SPATS2L: variants seen among roughly 807,000 people sequenced by gnomAD.
SPATS2L encodes the protein spermatogenesis associated serine rich 2 like.
A neutral mutation model predicts 59.6 loss-of-function variants in SPATS2L; 30 were observed. The observed-to-expected ratio is 0.50, with a 90% confidence interval of 0.38 to 0.68. The LOEUF (loss-of-function observed/expected upper bound fraction) is 0.68, where lower values mean the gene tolerates loss of function less well. Ranked by LOEUF, SPATS2L falls within the 30% of genes least tolerant of loss-of-function variation. SPATS2L has a pLI of 0.00. For missense variants in SPATS2L, 615 were observed against 700.0 expected, an observed-to-expected ratio of 0.88 and a Z score of 1.37; for synonymous variants, 252 against 263.5, an observed-to-expected ratio of 0.96 and a Z score of 0.42.
chr2:200,427,238 G>A (rs1024045599), intron 6 of SPATS2L, among the ~76,000 whole-genome samples: 3 of 151,976 alleles, frequency 2.0e-5, no homozygotes, highest in African/African-American at 7.2e-5. Flanking sequence ...CTATTAAAAT[G>A]CAATAAGATG....
chr2:200,436,963 C>A (rs916789297), intron 6 of SPATS2L, among the ~76,000 whole-genome samples: 4 of 152,024 alleles, frequency 2.6e-5, no homozygotes, highest in African/African-American at 7.2e-5. Context: ...CATGTGAGAT[C>A]TGCTTGTTTA....
In SPATS2L at chr2:200,477,754, G is replaced by C. The variant is rs1211840702; in HGVS notation, c.1400G>C (p.Ser467Thr). Residue 467 changes from serine (S) to threonine (T), a missense_variant, in exon 13 of 13, where the codon AGC (serine) becomes ACC (threonine). Transcript: ENST00000409140. ...NEAEPLGKGNSRHEHRRQPHN... is the reference protein window; with the variant it reads ...NEAEPLGKGNTRHEHRRQPHN... ...GCCGAGCCACTGGGAAAGGGCAACA[G>C]CCGCCACGAACACAGAAGACAGCCG... 2 of 1,579,092 alleles carry C rather than the reference G, an allele frequency of 1.3e-6. No homozygotes were observed. The highest frequency in any genetic ancestry group is 1.7e-6 in the Non-Finnish European group (2 of 1,162,584).
intron 6 of SPATS2L, among the ~76,000 whole-genome samples, chr2:200,424,351 C>T (rs1034841321): frequency 1.3e-5 from 2 of 151,696 alleles, no homozygotes; most frequent in African/African-American, 2.4e-5. Context: ...TAGCTTGGTA[C>T]GGTGGCTCAT....
chr2:200,310,213 C>G lies in SPATS2L; in HGVS notation c.-73+3291C>G, dbSNP rs2079149050. Among the ~76,000 whole-genome samples the G allele has an allele frequency of 2.0e-5, 3 of 152,292 alleles. 1 individual carries two copies. The highest frequency in any genetic ancestry group is 4.1e-4 in the South Asian group (2 of 4,826). The stretch of plus-strand genomic sequence containing the variant: ...CTTGATAACAAACTTTTTGTATTCT[C>G]TCTAAACTTCTTCCTTTTATGATGA... On this transcript the variant is annotated intron_variant, in intron 1 of 12. Coordinates refer to ENST00000409140, the MANE Select transcript of SPATS2L (RefSeq NM_001100423.2).
chr2:200,470,631 C>T (rs746778075), intron 11 of SPATS2L, among the ~76,000 whole-genome samples: 14 of 152,154 alleles, frequency 9.2e-5, no homozygotes, highest in East Asian at 1.9e-4. Context: ...AGCACTGAAG[C>T]GGCTTTAAGG....
intron 12 of SPATS2L, among the ~76,000 whole-genome samples, chr2:200,474,026 G>A (rs2087295960): frequency 6.6e-6 from 1 of 151,390 alleles, no homozygotes; most frequent in Admixed American, 6.6e-5. Context: ...AAAAATAAAG[G>A]ATCTGATGAT....
At chr2:200,349,115 G>A (rs941053608) in intron 2 of SPATS2L, among the ~76,000 whole-genome samples, 1 of 152,164 alleles carries the variant, frequency 6.6e-6, no homozygotes. Flanking sequence ...AAGAATGGCA[G>A]CCACTTGCTG....
intron 2 of SPATS2L, among the ~76,000 whole-genome samples, chr2:200,352,889 C>T (rs2080789931): frequency 6.6e-6 from 1 of 152,116 alleles, no homozygotes; most frequent in African/African-American, 2.4e-5. Flanking sequence ...AGGGGAACAC[C>T]CACATTGACA....
At chr2:200,344,011 A>G (rs2080421527) in intron 2 of SPATS2L, among the ~76,000 whole-genome samples, 1 of 152,042 alleles carries the variant, frequency 6.6e-6, no homozygotes, top group Non-Finnish European at 1.5e-5. Flanking sequence ...CTGCTTTCAT[A>G]ATAAGCAGAA....
At chr2:200,406,796 G>A (rs568927010) in intron 3 of SPATS2L, among the ~76,000 whole-genome samples, 16 of 152,306 alleles carry the variant, frequency 1.1e-4, no homozygotes, top group African/African-American at 3.8e-4. Flanking sequence ...CCAGCCTCTA[G>A]TGCAGTGCCT....
In SPATS2L at chr2:200,467,291, G is replaced by C; in HGVS notation, c.849G>C (p.Met283Ile). The change falls in exon 10 of 13, where the codon ATG becomes ATC. Residue 283 changes from methionine (M) to isoleucine (I), a missense_variant and splice_region_variant. This residue lies in a region of SPATS2L where 104 missense variants were observed against 162.5 expected (regional missense o/e 0.64). Transcript: ENST00000409140. ...AEMDKVKEEA[M>I]EILTARQKKA... ...GTATGACTCCTCCTTATTTGGCAGTGGAAATCCTGACTGCTCGTCAGAAGA... is the reference window on the plus strand; with the variant it reads ...GTATGACTCCTCCTTATTTGGCAGTCGAAATCCTGACTGCTCGTCAGAAGA... 1.2e-6 allele frequency: 2 copies of C among 1,611,130 alleles called. No individual in the cohort carries two copies. Among genetic ancestry groups the C allele is most frequent in the Non-Finnish European group, 1.7e-6 (2 of 1,177,282 alleles).
intron 2 of SPATS2L, chr2:200,373,270 C>CAAAAAAAAAAAAAAA (rs3856514): frequency 5.7e-5 from 6 of 106,038 alleles, no homozygotes; most frequent in Admixed American, 9.8e-5. Flanking sequence ...ACTGCCTTAA[C>CAAAAAAAAAAAAAAA]AAAAAAAAAA....
At chr2:200,341,631 G>T (rs146312066) in intron 2 of SPATS2L, among the ~76,000 whole-genome samples, 1 of 151,912 alleles carries the variant, frequency 6.6e-6, no homozygotes, top group African/African-American at 2.4e-5. Context: ...ACAATGAAAG[G>T]GATCCTTTCC....
At chr2:200,424,215 A>T (rs879935654) in intron 6 of SPATS2L, among the ~76,000 whole-genome samples, 7 of 152,190 alleles carry the variant, frequency 4.6e-5, no homozygotes, top group Non-Finnish European at 7.3e-5. Flanking sequence ...GAGCGGGCAC[A>T]GTGGCTCACA....
chr2:200,317,164 C>T (rs983426492), intron 1 of SPATS2L, among the ~76,000 whole-genome samples: 7 of 152,120 alleles, frequency 4.6e-5, no homozygotes, highest in South Asian at 2.1e-4. Context: ...TGAAAGCCTA[C>T]GTTATAAAAA....
At chr2:200,360,967 C>CTGTGTG (rs145080452) in intron 2 of SPATS2L, among the ~76,000 whole-genome samples, 93,681 of 140,184 alleles carry the variant, frequency 0.67, 34,767 homozygotes, top group South Asian at 0.83. Context: ...CAGAACAGGG[C>CTGTGTG]TGTGTGTGTG....
intron 6 of SPATS2L, among the ~76,000 whole-genome samples, chr2:200,426,193 C>T (rs187402891): frequency 2.1e-5 from 3 of 143,844 alleles, no homozygotes; most frequent in Non-Finnish European, 4.5e-5. Flanking sequence ...TGGGTTCAAG[C>T]GATTCTCCTG....
At chr2:200,337,689 C>G (rs2080187141) in intron 2 of SPATS2L, among the ~76,000 whole-genome samples, 1 of 152,178 alleles carries the variant, frequency 6.6e-6, no homozygotes, top group Admixed American at 6.5e-5. Flanking sequence ...TCGGGAGATG[C>G]AATTTAAAAC....
chr2:200,434,615 T>C (rs565012946), intron 6 of SPATS2L, among the ~76,000 whole-genome samples: 3 of 152,162 alleles, frequency 2.0e-5, no homozygotes, highest in African/African-American at 7.2e-5. Context: ...AACAATAACA[T>C]AAAAATTCTA....
Sources: gnomAD v4.1 joint callset for allele counts (sites outside exome capture counted in the v4.1 genomes callset) on GRCh38, gnomAD v4.1.1 for gene constraint, gnomAD v4.1.1 regional missense constraint, MANE v1.5 for transcripts, NCBI Gene and HGNC (gene_info 2026-07-23, HGNC 2026-07-21) for gene names.